RNF38: variants seen among roughly 807,000 people sequenced by gnomAD.
RNF38 encodes E3 ubiquitin-protein ligase RNF38.
In RNF38, 15 loss-of-function variants were observed where a neutral mutation model predicts 67.2. That is an observed-to-expected ratio of 0.22 (90% CI 0.15 to 0.34). RNF38 has a LOEUF of 0.34. Ranked by LOEUF, RNF38 falls within the 10% of genes least tolerant of loss-of-function variation. The probability of loss-of-function intolerance (pLI) is 1.00; values close to 1 mark genes in which losing one functional copy is unlikely to be tolerated. For synonymous variants in RNF38, 220 were observed against 218.8 expected (o/e 1.01, Z -0.05); for missense variants, 524 against 639.9 (o/e 0.82, Z 1.95).
At chr9:36,393,512 T>TGTGTGTGTGTGC (rs1837285547) in intron 1 of RNF38, among the ~76,000 whole-genome samples, 1 of 147,918 alleles carries the variant, frequency 6.8e-6, no homozygotes, top group Non-Finnish European at 1.5e-5. Flanking sequence ...TGTGTGTGTG[T>TGTGTGTGTGTGC]GTGTGTGTGT....
Position 36,370,293 on chromosome 9 carries a change from G to C in RNF38, c.357-361C>G, listed in dbSNP as rs150241180. On this transcript the variant is annotated intron_variant, in intron 3 of 11. Coordinates refer to ENST00000259605, the MANE Select transcript of RNF38 (RefSeq NM_022781.5). ...CCCTTTTTAAATATTATAATAAAAC[G>C]AACTTTAATCTGTAGATACCTTGTC... is the stretch of plus-strand genomic sequence containing the variant. Among the ~76,000 whole-genome samples the C allele has an allele frequency of 7.9e-5, 12 of 152,014 alleles. No homozygotes were observed. In the East Asian group the frequency reaches 2.3e-3, roughly 29 times the overall value.
chr9:36,353,761 T>G (rs1025071782), intron 6 of RNF38, among the ~76,000 whole-genome samples: 3 of 152,204 alleles, frequency 2.0e-5, no homozygotes, highest in African/African-American at 7.2e-5. Context: ...CAGGGCTAAA[T>G]GAGATATGGT....
At chr9:36,378,902 T>TC (rs944272673) in intron 2 of RNF38, among the ~76,000 whole-genome samples, 2 of 113,386 alleles carry the variant, frequency 1.8e-5, no homozygotes, top group African/African-American at 5.9e-5. Flanking sequence ...CTTTTCTTTT[T>TC]CCTTTTTTTT....
intron 4 of RNF38, among the ~76,000 whole-genome samples, chr9:36,365,174 A>C (rs900083009): frequency 2.0e-5 from 3 of 152,118 alleles, no homozygotes; most frequent in Non-Finnish European, 2.9e-5. Flanking sequence ...ATCTACTGAA[A>C]ATTTATTTGG....
chr9:36,346,052 T>G (rs1017512731), intron 9 of RNF38, among the ~76,000 whole-genome samples: 1 of 152,232 alleles, frequency 6.6e-6, no homozygotes, highest in East Asian at 1.9e-4. Context: ...TATTCTTATT[T>G]TATCATTCTT....
chr9:36,469,329 C>CTT (rs11461344), intron 1 of RNF38, among the ~76,000 whole-genome samples: 2 of 151,622 alleles, frequency 1.3e-5, no homozygotes, highest in African/African-American at 2.4e-5. Flanking sequence ...TTTGTTCAAT[C>CTT]TTTTTTTTCC....
At chr9:36,456,270 T>C (rs1039727220) in intron 1 of RNF38, among the ~76,000 whole-genome samples, 1 of 152,222 alleles carries the variant, frequency 6.6e-6, no homozygotes, top group African/African-American at 2.4e-5. Flanking sequence ...TTGGCCAGGC[T>C]GGTCTCGAAC....
chr9:36,414,256 A>G (rs1260899031), intron 2 of RNF38, among the ~76,000 whole-genome samples: 1 of 152,114 alleles, frequency 6.6e-6, no homozygotes, highest in African/African-American at 2.4e-5. Context: ...TAGTATTGAG[A>G]TGTTAGCTAC....
intron 1 of RNF38, among the ~76,000 whole-genome samples, chr9:36,447,000 G>A (rs1312076390): frequency 6.6e-6 from 1 of 151,086 alleles, no homozygotes; most frequent in Non-Finnish European, 1.5e-5. Context: ...GGTGGCGGAT[G>A]CCTGTATTCC....
chr9:36,396,227 C>G (rs1194956044), intron 1 of RNF38, among the ~76,000 whole-genome samples: 1 of 152,216 alleles, frequency 6.6e-6, no homozygotes, highest in South Asian at 2.1e-4. Flanking sequence ...ATTTGTGTAA[C>G]AAGTTTCTTA....
intron 4 of RNF38, among the ~76,000 whole-genome samples, chr9:36,368,340 G>A (rs553741944): frequency 1.3e-5 from 2 of 152,226 alleles, no homozygotes; most frequent in Admixed American, 1.3e-4. Context: ...TGCCTTTTCT[G>A]AAATGCAGTC....
chr9:36,477,167 C>CA (rs1220742171), intron 1 of RNF38, among the ~76,000 whole-genome samples: 1 of 150,844 alleles, frequency 6.6e-6, no homozygotes, highest in Non-Finnish European at 1.5e-5. Context: ...ACTAAAAATA[C>CA]AAAAAAATTA....
intron 1 of RNF38, among the ~76,000 whole-genome samples, chr9:36,435,174 C>A (rs922205230): frequency 6.6e-6 from 1 of 152,124 alleles, no homozygotes; most frequent in Non-Finnish European, 1.5e-5. Flanking sequence ...GGGAGAACAA[C>A]GAAGCAGGAC....
At chr9:36,372,197 G>A (rs1312481381) in intron 3 of RNF38, among the ~76,000 whole-genome samples, 1 of 152,116 alleles carries the variant, frequency 6.6e-6, no homozygotes, top group Non-Finnish European at 1.5e-5. Flanking sequence ...CCAAAGTGCT[G>A]GGATTACAGG....
intron 8 of RNF38, among the ~76,000 whole-genome samples, chr9:36,351,640 GGA>G (rs542049194): frequency 6.6e-6 from 1 of 152,156 alleles, no homozygotes; most frequent in African/African-American, 2.4e-5. Flanking sequence ...GAGAAAACGG[GGA>G]GAGAGAGGAA....
At chr9:36,401,194 G>C, upstream of RNF38, 1 of 981,896 alleles carries the variant, frequency 1.0e-6, no homozygotes, top group Non-Finnish European at 1.2e-6. Flanking sequence ...ACCCCGAGGG[G>C]GAAGGGGGCG....
In RNF38 at chr9:36,400,129, T is replaced by A. The variant is rs777530851; in HGVS notation, c.-21A>T. On this transcript the variant is annotated 5_prime_UTR_variant, in exon 1 of 12. Transcript: ENST00000259605. Reference sequence around the variant, plus strand: ...GCCATACAGACGTAAACAAAAACTTTATTTCTTTTTGGACCTCAATAACCT... The same window carrying A: ...GCCATACAGACGTAAACAAAAACTTAATTTCTTTTTGGACCTCAATAACCT... The A allele has an allele frequency of 5.6e-6, 9 of 1,611,980 alleles. 1 individual carries two copies. The South Asian group carries it at 9.9e-5, about 18-fold the overall frequency.
intron 1 of RNF38, among the ~76,000 whole-genome samples, chr9:36,429,416 T>C (rs1382086489): frequency 1.3e-5 from 2 of 152,314 alleles, no homozygotes; most frequent in South Asian, 2.1e-4. Context: ...TGGCTTAGTA[T>C]TTGCATAAAA....
chr9:36,447,557 G>GT (rs936562700), intron 1 of RNF38, among the ~76,000 whole-genome samples: 4 of 152,112 alleles, frequency 2.6e-5, no homozygotes, highest in African/African-American at 9.7e-5. Context: ...TATAATACTA[G>GT]TAAGTGGTCA....
Sources: allele counts gnomAD v4.1 joint callset (sites outside exome capture counted in the v4.1 genomes callset), GRCh38; gene constraint gnomAD v4.1.1; transcripts MANE v1.5; gene names NCBI Gene and HGNC (gene_info 2026-07-23, HGNC 2026-07-21).